B3GLCT: variants seen among roughly 807,000 people sequenced by gnomAD.
The protein encoded by B3GLCT is beta 3-glucosyltransferase.
In B3GLCT, 65 loss-of-function variants were observed where a neutral mutation model predicts 63.4. The ratio of observed to expected loss-of-function variants is 1.03; its 90% CI spans 0.84 to 1.26. The LOEUF (loss-of-function observed/expected upper bound fraction) is 1.26. Among genes scored for constraint, B3GLCT ranks in the 50% most tolerant of loss-of-function variants. The pLI, the probability that B3GLCT is intolerant of heterozygous loss-of-function variation, is 0.00. For synonymous variants in B3GLCT, 233 were observed against 219.2 expected (o/e 1.06, Z -0.55); for missense variants, 577 against 604.8 (o/e 0.95, Z 0.48).
At chr13:31,214,775 A>G (rs112813460) in intron 1 of B3GLCT, among the ~76,000 whole-genome samples, 43 of 152,364 alleles carry the variant, frequency 2.8e-4, no homozygotes, top group African/African-American at 9.1e-4. Flanking sequence ...GTTTATGTCT[A>G]TAGACACAAA....
In B3GLCT at chr13:31,212,109, A is replaced by T. The variant is rs937925573; in HGVS notation, c.71-2942A>T. Among the ~76,000 whole-genome samples the T allele has an allele frequency of 1.3e-3, 182 of 145,024 alleles. 1 individual carries two copies. The highest frequency in any genetic ancestry group is 4.0e-3 in the African/African-American group (159 of 39,772). On this transcript the variant is annotated intron_variant, in intron 1 of 14. Transcript: ENST00000343307. ...TTAATTCGGGAGGGGTAGATGGAAA[A>T]TTTTTTTTTTTTTTGAGACAGAGTC...
At chr13:31,292,394 C>T (rs1252585634) in intron 12 of B3GLCT, among the ~76,000 whole-genome samples, 1 of 152,120 alleles carries the variant, frequency 6.6e-6, no homozygotes, top group African/African-American at 2.4e-5. Flanking sequence ...GGTACCAGCT[C>T]CTCTTTGTAT....
intron 1 of B3GLCT, among the ~76,000 whole-genome samples, chr13:31,206,128 A>C (rs1006871163): frequency 2.0e-5 from 3 of 152,208 alleles, no homozygotes; most frequent in African/African-American, 7.2e-5. Context: ...TAAATGAAGT[A>C]AAGGACGTTA....
chr13:31,207,526 T>C (rs1869022289), intron 1 of B3GLCT, among the ~76,000 whole-genome samples: 1 of 152,234 alleles, frequency 6.6e-6, no homozygotes, highest in African/African-American at 2.4e-5. Flanking sequence ...CTTTTCCCTC[T>C]TGAATATATA....
At chr13:31,257,644 T>C (rs1004780590) in intron 6 of B3GLCT, among the ~76,000 whole-genome samples, 2 of 152,014 alleles carry the variant, frequency 1.3e-5, no homozygotes, top group Admixed American at 1.3e-4. Flanking sequence ...AATAAGGCTC[T>C]TAAGAAATAC....
chr13:31,286,922 G>A lies in B3GLCT; in HGVS notation c.1064+103G>A, dbSNP rs1397890. ...CTGGCCAAGATGAAGTAACGGGGACGGGGTTTACCCTTCTATCTGAACCAA... is the reference window on the plus strand; with the variant it reads ...CTGGCCAAGATGAAGTAACGGGGACAGGGTTTACCCTTCTATCTGAACCAA... On this transcript the variant is annotated intron_variant, in intron 12 of 14. Transcript: ENST00000343307. 0.22 allele frequency: 164,644 copies of A among 755,860 alleles called. 18,512 individuals carry two copies. Among genetic ancestry groups the A allele is most frequent in the East Asian group, 0.23 (8,424 of 36,854 alleles). 46.8% of individuals were successfully genotyped at this position (755,860 alleles called of 1,614,324 possible). A position where few individuals can be genotyped will look rare whatever the true frequency, so the allele number is the denominator to read the frequency against.
chr13:31,290,591 A>C (rs1873605756), intron 12 of B3GLCT, among the ~76,000 whole-genome samples: 1 of 151,842 alleles, frequency 6.6e-6, no homozygotes, highest in African/African-American at 2.4e-5. Context: ...TGTGGTTTTG[A>C]TTTGCATTTC....
At chr13:31,217,394 T>C (rs1195764589) in intron 2 of B3GLCT, among the ~76,000 whole-genome samples, 1 of 152,198 alleles carries the variant, frequency 6.6e-6, no homozygotes. Flanking sequence ...ATTCTGTAGG[T>C]TATCTGTTTA....
chr13:31,224,514 C>T (rs1183668813), intron 3 of B3GLCT, among the ~76,000 whole-genome samples: 1 of 152,134 alleles, frequency 6.6e-6, no homozygotes, highest in African/African-American at 2.4e-5. Flanking sequence ...TGTGAGCCTG[C>T]AAGACCAGGA....
Position 31,237,118 on chromosome 13 carries a change from T to TC in B3GLCT, c.270+7826dup, listed in dbSNP as rs1174098471. Among the ~76,000 whole-genome samples, 9 of 103,880 alleles carry TC rather than the reference T, an allele frequency of 8.7e-5. No homozygotes were observed. The Admixed American group carries it at 9.7e-4, about 11-fold the overall frequency. 68.1% of individuals were successfully genotyped at this position (103,880 alleles called of 152,430 possible). On this transcript the variant is annotated intron_variant, in intron 4 of 14. Transcript: ENST00000343307. ...TCCGGCCTGGGCAACAGAGCGAGAC[T>TC]CCATCTCAAAAAAAAAAAAAGAGAG...
chr13:31,295,613 C>T (rs1593303681), intron 12 of B3GLCT, among the ~76,000 whole-genome samples: 1 of 152,284 alleles, frequency 6.6e-6, no homozygotes, highest in East Asian at 1.9e-4. Context: ...TGTTTATACT[C>T]TGAGGGGAAA....
chr13:31,306,562 A>C (rs368058875), intron 12 of B3GLCT, among the ~76,000 whole-genome samples: 1 of 111,030 alleles, frequency 9.0e-6, no homozygotes. Context: ...CCAAATCATG[A>C]GTGAACTCCC....
At chr13:31,200,271 G>A in intron 1 of B3GLCT, 117 bp downstream of exon 1, 1 of 471,976 alleles carries the variant, frequency 2.1e-6, no homozygotes, top group Non-Finnish European at 2.8e-6. Context: ...TGCCCCGCCG[G>A]CGCGCGCGTC....
At chr13:31,208,843 C>T (rs1869115330) in intron 1 of B3GLCT, among the ~76,000 whole-genome samples, 1 of 152,002 alleles carries the variant, frequency 6.6e-6, no homozygotes, top group Non-Finnish European at 1.5e-5. Context: ...CTCCCCAATA[C>T]CACCCCCTCC....
intron 12 of B3GLCT, among the ~76,000 whole-genome samples, chr13:31,300,029 GT>G (rs1164236259): frequency 3.9e-5 from 6 of 152,146 alleles, no homozygotes; most frequent in African/African-American, 1.4e-4. Context: ...GAGATTATTT[GT>G]TTTTACCTCC....
chr13:31,213,621 A>ACCCCCCCC (rs71099943), intron 1 of B3GLCT, among the ~76,000 whole-genome samples: 1 of 55,012 alleles, frequency 1.8e-5, no homozygotes, highest in Non-Finnish European at 3.2e-5. Context: ...CCCCCACCCC[A>ACCCCCCCC]CCCCCCCCCC....
At chr13:31,284,173 GTCA>G (rs1311970618) in intron 10 of B3GLCT, among the ~76,000 whole-genome samples, 1 of 152,184 alleles carries the variant, frequency 6.6e-6, no homozygotes, top group East Asian at 1.9e-4. Flanking sequence ...CGTAATATCA[GTCA>G]TCATATGCAG....
chr13:31,288,791 A>G (rs904513881), intron 12 of B3GLCT, among the ~76,000 whole-genome samples: 2 of 152,158 alleles, frequency 1.3e-5, no homozygotes, highest in South Asian at 4.1e-4. Context: ...GAACAACAAT[A>G]CCAGATATGC....
At chr13:31,246,575 T>C (rs1199902624) in intron 4 of B3GLCT, among the ~76,000 whole-genome samples, 1 of 152,264 alleles carries the variant, frequency 6.6e-6, no homozygotes, top group East Asian at 1.9e-4. Flanking sequence ...TCAAATATTG[T>C]ATCCTCTAGT....
Sources: allele counts gnomAD v4.1 joint callset (sites outside exome capture counted in the v4.1 genomes callset), GRCh38; gene constraint gnomAD v4.1.1; transcripts MANE v1.5; gene names NCBI Gene and HGNC (gene_info 2026-07-23, HGNC 2026-07-21).